ANK2: variants seen among roughly 807,000 people sequenced by gnomAD.
ANK2 encodes the protein ankyrin-2.
ANK2 carries 83 observed loss-of-function variants against 360.5 expected under a neutral mutation model. The ratio of observed to expected loss-of-function variants is 0.23; its 90% CI spans 0.19 to 0.28. ANK2 has a LOEUF of 0.28. Among genes scored for constraint, ANK2 ranks in the 10% least tolerant of loss-of-function variants. The probability of loss-of-function intolerance (pLI) is 1.00; values close to 1 mark genes in which losing one functional copy is unlikely to be tolerated. For synonymous variants in ANK2, 1,740 were observed against 1,759.5 expected (o/e 0.99, Z 0.28); for missense variants, 4,201 against 4,795.7 (o/e 0.88, Z 3.66).
chr4:112,815,662 G>A (rs1030268216), upstream of ANK2, among the ~76,000 whole-genome samples: 2 of 152,188 alleles, frequency 1.3e-5, no homozygotes, highest in African/African-American at 4.8e-5. Context: ...CCTCCATAGA[G>A]GGGAGGGGGG....
At chr4:112,971,725 T>C (rs2039597588) in intron 2 of ANK2, among the ~76,000 whole-genome samples, 1 of 152,164 alleles carries the variant, frequency 6.6e-6, no homozygotes, top group African/African-American at 2.4e-5. Flanking sequence ...GAGCTTCATA[T>C]TGGGGGTGGA....
chr4:113,229,147 G>A (rs978809512), intron 4 of ANK2, among the ~76,000 whole-genome samples: 3 of 152,230 alleles, frequency 2.0e-5, no homozygotes, highest in Admixed American at 6.5e-5. Context: ...TGTTGCTACT[G>A]TAACAAATTA....
In ANK2 at chr4:113,358,871, G is replaced by A. The variant is rs1445119275; in HGVS notation, c.10253G>A (p.Arg3418Lys). 6.2e-7 allele frequency: 1 copy of A among 1,614,086 alleles called. No homozygotes were observed. Among genetic ancestry groups the A allele is most frequent in the Admixed American group, 1.7e-5 (1 of 60,010 alleles). ...TACACTGAGACAGAAACAGAGAGCAGAGAGAGGGCCGAGGAACTTGAGTTA... is the reference window on the plus strand; with the variant it reads ...TACACTGAGACAGAAACAGAGAGCAAAGAGAGGGCCGAGGAACTTGAGTTA... ...RSYTETETES[R>K]ERAEELELES... The change falls in exon 38 of 46, where the codon AGA (arginine) becomes AAA (lysine). Residue 3418 changes from arginine (R) to lysine (K), a missense_variant. Around this residue, in one of 4 missense-constraint regions of ANK2, gnomAD observed 2,642 missense variants for 2,714.5 expected, o/e 0.97. Transcript: ENST00000357077.
chr4:113,257,863 A>G (rs547485301), intron 11 of ANK2, among the ~76,000 whole-genome samples, 187 bp from the exon 12 acceptor site: 18 of 152,360 alleles, frequency 1.2e-4, no homozygotes, highest in African/African-American at 4.3e-4. Context: ...CCCACCACAC[A>G]TAAGTGAAGT....
At chr4:112,746,538 G>T in the ANK2 span, among the ~76,000 whole-genome samples, 7 of 150,190 alleles carry the variant, frequency 4.7e-5, no homozygotes, top group African/African-American at 1.7e-4. Flanking sequence ...AAAAGAAAAT[G>T]CCTTTTTGAA....
chr4:113,312,291 A>T (rs1377012736), intron 24 of ANK2, among the ~76,000 whole-genome samples: 1 of 149,876 alleles, frequency 6.7e-6, no homozygotes, highest in Non-Finnish European at 1.5e-5. Context: ...AAAAAAAAAA[A>T]AGAAAAGAAA....
At chr4:113,258,179 A>C (rs2050548321) in intron 12 of ANK2, 31 bp downstream of exon 12, 1 of 1,588,308 alleles carries the variant, frequency 6.3e-7, no homozygotes, top group Non-Finnish European at 8.6e-7. Context: ...GTCACAAAGC[A>C]TTCCTTCTCT....
intron 2 of ANK2, among the ~76,000 whole-genome samples, chr4:112,999,288 G>A (rs1419887610): frequency 1.3e-5 from 2 of 151,944 alleles, no homozygotes; most frequent in East Asian, 3.9e-4. Flanking sequence ...TTATTTTTGT[G>A]TATCACCTTA....
chr4:113,184,615 G>A (rs1031328422), intron 2 of ANK2, among the ~76,000 whole-genome samples: 16 of 152,122 alleles, frequency 1.1e-4, no homozygotes, highest in African/African-American at 3.4e-4. Flanking sequence ...TATTTTCTTT[G>A]TGCCTTTAAG....
intron 9 of ANK2, among the ~76,000 whole-genome samples, chr4:113,244,559 A>C (rs964189984): frequency 2.5e-4 from 38 of 152,216 alleles, no homozygotes; most frequent in African/African-American, 8.2e-4. Context: ...TCCTTATTTC[A>C]TATGAGCTGG....
At chr4:112,774,665 T>G in the ANK2 span, among the ~76,000 whole-genome samples, 1 of 152,138 alleles carries the variant, frequency 6.6e-6, no homozygotes, top group East Asian at 1.9e-4. Flanking sequence ...GCAGGCAGCA[T>G]TTGAATTGTC....
At chr4:113,048,774 A>C (rs538821376), upstream of ANK2, among the ~76,000 whole-genome samples, 2 of 152,196 alleles carry the variant, frequency 1.3e-5, no homozygotes, top group Non-Finnish European at 2.9e-5. Context: ...TTTTGAGATA[A>C]GTTATAAAAT....
In ANK2 at chr4:113,239,697, A is replaced by G. The variant is rs542013418; in HGVS notation, c.694-788A>G. 1.1e-4 allele frequency among the ~76,000 whole-genome samples: 16 copies of G among 152,248 alleles called. 1 individual carries two copies. The highest frequency in any genetic ancestry group is 1.0e-3 in the Admixed American group (16 of 15,302). On this transcript the variant is annotated intron_variant, in intron 7 of 45. Transcript: ENST00000357077. ...TATTTTTTTCATTTGATAATTTCAGACTTATTTTTTAAACATTTTGAGAGT... is the reference window on the plus strand; with the variant it reads ...TATTTTTTTCATTTGATAATTTCAGGCTTATTTTTTAAACATTTTGAGAGT...
At chr4:113,100,193 A>G (rs1285933054) in intron 1 of ANK2, among the ~76,000 whole-genome samples, 1 of 152,108 alleles carries the variant, frequency 6.6e-6, no homozygotes, top group Non-Finnish European at 1.5e-5. Context: ...GACAAGCCAC[A>G]GGCTACAAGA....
At chr4:113,319,074 A>G (rs1038622477) in intron 26 of ANK2, among the ~76,000 whole-genome samples, 4 of 152,180 alleles carry the variant, frequency 2.6e-5, no homozygotes, top group African/African-American at 7.2e-5. Flanking sequence ...GAATCACACA[A>G]ATATATAGAG....
At chr4:113,310,321 G>A (rs538674016) in intron 23 of ANK2, among the ~76,000 whole-genome samples, 12 of 152,112 alleles carry the variant, frequency 7.9e-5, no homozygotes, top group Non-Finnish European at 1.3e-4. Context: ...TCTGAGGAGG[G>A]ACAGGATGCT....
At chr4:113,184,027 C>T (rs1175374361) in intron 2 of ANK2, among the ~76,000 whole-genome samples, 2 of 149,730 alleles carry the variant, frequency 1.3e-5, no homozygotes, top group Admixed American at 6.6e-5. Flanking sequence ...AATAGGAATA[C>T]GAGATCCAAA....
chr4:113,097,194 C>A (rs766812777), intron 1 of ANK2, among the ~76,000 whole-genome samples: 4 of 151,042 alleles, frequency 2.6e-5, no homozygotes, highest in African/African-American at 4.9e-5. Context: ...ACCTTTGCAC[C>A]AGTTGTGCCA....
At chr4:113,096,251 C>T (rs1483817992) in intron 1 of ANK2, among the ~76,000 whole-genome samples, 1 of 152,172 alleles carries the variant, frequency 6.6e-6, no homozygotes, top group East Asian at 1.9e-4. Context: ...CCAGTCTCCT[C>T]ATCAATCAGG....
Sources: gnomAD v4.1 joint callset for allele counts (sites outside exome capture counted in the v4.1 genomes callset) on GRCh38, gnomAD v4.1.1 for gene constraint, gnomAD v4.1.1 regional missense constraint, MANE v1.5 for transcripts, NCBI Gene and HGNC (gene_info 2026-07-23, HGNC 2026-07-21) for gene names.